The following SEMA3C variants were observed in gnomAD, a reference collection of about 807,000 sequenced individuals.
The protein encoded by SEMA3C is semaphorin 3C, also known as semaphorin-3C.
SEMA3C carries 47 observed loss-of-function variants against 89.4 expected under a neutral mutation model. That is an observed-to-expected ratio of 0.53 (90% confidence interval 0.42 to 0.67). The LOEUF is 0.67. Ranked by LOEUF, SEMA3C falls within the 30% of genes least tolerant of loss-of-function variation. The pLI is 0.00. For synonymous variants in SEMA3C, 310 were observed against 320.2 expected, an observed-to-expected ratio of 0.97 and a Z score of 0.34; for missense variants, 839 against 929.1, an observed-to-expected ratio of 0.90 and a Z score of 1.26.
intron 2 of SEMA3C, among the ~76,000 whole-genome samples, chr7:80,909,564 A>C (rs1247534606): frequency 6.6e-6 from 1 of 152,184 alleles, no homozygotes; most frequent in African/African-American, 2.4e-5. Flanking sequence ...TGAGTAAGGC[A>C]AGAATATTTA....
At position 80,916,770 on chromosome 7, in the gene SEMA3C, C is replaced by T. The variant is rs868650166; in HGVS notation, c.12G>A (p.Arg4=). The change falls in exon 2 of 18, where the codon CGG becomes CGA. Residue 4 remains arginine, a synonymous_variant. Coordinates refer to ENST00000265361, the MANE Select transcript of SEMA3C (RefSeq NM_006379.5). MAF[R]TICVLVGVFI... is the part of the protein sequence containing the mutation. ...ATACTCCAACCAACACGCAAATTGTCCGGAATGCCATTTCTTCAGATATGC... is the reference window on the plus strand; with the variant it reads ...ATACTCCAACCAACACGCAAATTGTTCGGAATGCCATTTCTTCAGATATGC... 15 of 1,613,340 alleles carry T rather than the reference C, an allele frequency of 9.3e-6. No homozygotes were observed. In the Middle Eastern group the frequency reaches 8.2e-4, roughly 88 times the overall value.
At chr7:80,863,339 T>TAAAA (rs61621477) in intron 2 of SEMA3C, among the ~76,000 whole-genome samples, 1 of 128,154 alleles carries the variant, frequency 7.8e-6, no homozygotes. Flanking sequence ...ATCAAAATAT[T>TAAAA]AAAAAAAAAA....
At chr7:80,877,977 G>A (rs968961693) in intron 2 of SEMA3C, among the ~76,000 whole-genome samples, 2 of 152,012 alleles carry the variant, frequency 1.3e-5, no homozygotes, top group African/African-American at 4.8e-5. Context: ...TTAAAGTTTT[G>A]TATTGACAAC....
At chr7:80,897,035 T>A (rs547765118) in intron 2 of SEMA3C, among the ~76,000 whole-genome samples, 19 of 152,240 alleles carry the variant, frequency 1.2e-4, no homozygotes, top group Non-Finnish European at 2.2e-4. Flanking sequence ...CCGGAGAGCA[T>A]GGGGCTGTGG....
rs139303762 is a variant in SEMA3C, at chr7:80,794,639, GTTATAC to G, written c.1131+3447_1131+3452del. Among the ~76,000 whole-genome samples the G allele has an allele frequency of 2.7e-3, 408 of 152,272 alleles. 4 individuals are homozygous for G. The highest frequency in any genetic ancestry group is 9.2e-3 in the African/African-American group (384 of 41,550). Reference sequence around the variant, plus strand: ...CATGATGATGGAAGCACATGACTCTGTTATACTTATAAAGAGATGTTAAAGTTGAAC... The same window carrying G: ...CATGATGATGGAAGCACATGACTCTGTTATAAAGAGATGTTAAAGTTGAAC... On this transcript the variant is annotated intron_variant, in intron 11 of 17. Coordinates refer to ENST00000265361, the MANE Select transcript of SEMA3C (RefSeq NM_006379.5).
chr7:80,906,093 C>G (rs972900387), intron 2 of SEMA3C, among the ~76,000 whole-genome samples: 2 of 152,106 alleles, frequency 1.3e-5, no homozygotes, highest in African/African-American at 4.8e-5. Flanking sequence ...ATCCATAATT[C>G]ACCAACAATC....
chr7:80,889,704 C>T (rs1169668934), intron 2 of SEMA3C, among the ~76,000 whole-genome samples: 1 of 151,498 alleles, frequency 6.6e-6, no homozygotes. Flanking sequence ...ATAAATATGA[C>T]AAAATAAATG....
At chr7:80,800,902 T>G in intron 9 of SEMA3C, 76 bp from the exon 10 acceptor site, 1 of 872,836 alleles carries the variant, frequency 1.1e-6, no homozygotes, top group Non-Finnish European at 1.7e-6. Flanking sequence ...CCTAAGAAAA[T>G]AATTTCAACT....
At chr7:80,857,670 T>A (rs1790672963) in intron 2 of SEMA3C, among the ~76,000 whole-genome samples, 1 of 152,162 alleles carries the variant, frequency 6.6e-6, no homozygotes, top group Non-Finnish European at 1.5e-5. Context: ...ATTTTCTAGG[T>A]AGCACAGTCA....
At chr7:80,750,467 T>TACACACAC (rs1400593051) in intron 16 of SEMA3C, among the ~76,000 whole-genome samples, 39 of 61,790 alleles carry the variant, frequency 6.3e-4, no homozygotes, top group South Asian at 1.0e-3. Flanking sequence ...TATATATATA[T>TACACACAC]ATATATACAC....
At chr7:80,859,929 A>T (rs6976085) in intron 2 of SEMA3C, among the ~76,000 whole-genome samples, 20,299 of 149,268 alleles carry the variant, frequency 0.14, 1,884 homozygotes, top group African/African-American at 0.26. Flanking sequence ...TTTTTTTTTT[A>T]AAATAATCGG....
Position 80,828,521 on chromosome 7 carries a change from TA to T in SEMA3C, c.264+63del, listed in dbSNP as rs150289922. 245 of 1,332,458 alleles carry T rather than the reference TA, an allele frequency of 1.8e-4. 1 individual carries two copies. The East Asian group carries it at 5.4e-3, about 29-fold the overall frequency. 82.5% of individuals were successfully genotyped at this position (1,332,458 alleles called of 1,614,324 possible). The stretch of plus-strand genomic sequence containing the variant: ...AAATGCATATTATTTTTTACTTATT[TA>T]TTTTTTTTAAAAAAGAGACATTGAA... On this transcript the variant is annotated intron_variant, in intron 3 of 17. Coordinates refer to ENST00000265361, the MANE Select transcript of SEMA3C (RefSeq NM_006379.5).
intron 2 of SEMA3C, among the ~76,000 whole-genome samples, chr7:80,852,367 G>C (rs1790534267): frequency 6.6e-6 from 1 of 152,108 alleles, no homozygotes; most frequent in South Asian, 2.1e-4. Context: ...CTCTTCAAAA[G>C]AAAAGATTCA....
At chr7:80,759,066 C>G (rs562242227) in intron 14 of SEMA3C, among the ~76,000 whole-genome samples, 5 of 152,050 alleles carry the variant, frequency 3.3e-5, no homozygotes, top group Non-Finnish European at 5.9e-5. Context: ...TATATTTAAA[C>G]GTCTTAAAAT....
chr7:80,796,377 T>TTTTTTG (rs1195851596), intron 11 of SEMA3C: 5 of 152,262 alleles, frequency 3.3e-5, no homozygotes, highest in African/African-American at 9.7e-5. Context: ...TCCCCAGTCT[T>TTTTTTG]TTTTTGTTTT....
chr7:80,871,017 G>T (rs955737146), intron 2 of SEMA3C, among the ~76,000 whole-genome samples: 2 of 152,128 alleles, frequency 1.3e-5, no homozygotes, highest in Non-Finnish European at 2.9e-5. Context: ...TTTAATTTAC[G>T]TTCCTCTATA....
At chr7:80,869,348 T>C (rs889235949) in intron 2 of SEMA3C, among the ~76,000 whole-genome samples, 1 of 152,210 alleles carries the variant, frequency 6.6e-6, no homozygotes, top group African/African-American at 2.4e-5. Flanking sequence ...TCTTGGTGTG[T>C]AAATCTATTT....
Position 80,800,742 on chromosome 7 carries a change from C to T in SEMA3C, c.986+15G>A. ...TTATTGTTTAACTCATAAAATGTAA[C>T]TGTTGAATAATTACCTTGATGTTGT... On this transcript the variant is annotated intron_variant, in intron 10 of 17. Transcript: ENST00000265361. 6.8e-7 allele frequency: 1 copy of T among 1,462,258 alleles called. No individual in the cohort carries two copies. The highest frequency in any genetic ancestry group is 9.3e-7 in the Non-Finnish European group (1 of 1,075,502). The allele number at this position is 1,462,258 out of a possible 1,614,324, so 90.6% of individuals were successfully genotyped here.
At chr7:80,817,165 T>C (rs184607213) in intron 5 of SEMA3C, among the ~76,000 whole-genome samples, 1 of 152,306 alleles carries the variant, frequency 6.6e-6, no homozygotes, top group East Asian at 1.9e-4. Context: ...CATTAAAAAA[T>C]GTCTCATTTT....
Sources: gnomAD v4.1 joint callset for allele counts (sites outside exome capture counted in the v4.1 genomes callset) on GRCh38, gnomAD v4.1.1 for gene constraint, MANE v1.5 for transcripts, NCBI Gene and HGNC (gene_info 2026-07-23, HGNC 2026-07-21) for gene names.